ZFPM1: variants seen among roughly 807,000 people sequenced by gnomAD.
The protein encoded by ZFPM1 is zinc finger protein, FOG family member 1, also known as zinc finger protein ZFPM1.
In ZFPM1, 28 loss-of-function variants were observed where a neutral mutation model predicts 46.3. The ratio of observed to expected loss-of-function variants is 0.60; its 90% CI spans 0.45 to 0.83. ZFPM1 has a LOEUF of 0.83. Among genes scored for constraint, ZFPM1 ranks in the 40% least tolerant of loss-of-function variants. ZFPM1 has a pLI of 0.00. For synonymous variants in ZFPM1, 957 were observed against 675.9 expected, an observed-to-expected ratio of 1.42 and a Z score of -6.45; for missense variants, 1,878 against 1,432.4, an observed-to-expected ratio of 1.31 and a Z score of -5.02.
rs533185135 is a variant in ZFPM1, at chr16:88,455,103, C to T, written c.40+1425C>T. 1.3e-5 allele frequency among the ~76,000 whole-genome samples: 2 copies of T among 151,740 alleles called. 1 individual carries two copies. The highest frequency in any genetic ancestry group is 4.2e-4 in the South Asian group (2 of 4,778). On this transcript the variant is annotated intron_variant, in intron 1 of 9. Transcript: ENST00000319555. Reference sequence around the variant, plus strand: ...TTGTGCTCTGGTTTCTTTTTCCTTCCTTCCCTGAGCGCCTATGTTCGGTTC... The same window carrying T: ...TTGTGCTCTGGTTTCTTTTTCCTTCTTTCCCTGAGCGCCTATGTTCGGTTC...
chr16:88,466,913 G>A (rs1427703390), intron 1 of ZFPM1, among the ~76,000 whole-genome samples: 1 of 152,062 alleles, frequency 6.6e-6, no homozygotes, highest in Non-Finnish European at 1.5e-5. Flanking sequence ...GGCAGAAGTG[G>A]GTAAAGCATC....
intron 4 of ZFPM1, among the ~76,000 whole-genome samples, chr16:88,519,044 G>GGAGA (rs1911580290): frequency 9.4e-6 from 1 of 106,274 alleles, no homozygotes; most frequent in Non-Finnish European, 1.9e-5. Flanking sequence ...ATGGGTGGAT[G>GGAGA]GATAGATGGA....
At chr16:88,488,147 G>A (rs1267573564) in intron 2 of ZFPM1, among the ~76,000 whole-genome samples, 2 of 152,246 alleles carry the variant, frequency 1.3e-5, no homozygotes, top group African/African-American at 2.4e-5. Context: ...GCCAGCCTTA[G>A]TGCCGCACGC....
At chr16:88,488,297 G>C (rs1037612151) in intron 2 of ZFPM1, among the ~76,000 whole-genome samples, 2 of 152,156 alleles carry the variant, frequency 1.3e-5, no homozygotes, top group African/African-American at 4.8e-5. Flanking sequence ...CATGGGGGCG[G>C]GGGTGGGGCC....
At chr16:88,506,583 T>A (rs1910674046) in intron 3 of ZFPM1, among the ~76,000 whole-genome samples, 1 of 152,166 alleles carries the variant, frequency 6.6e-6, no homozygotes, top group African/African-American at 2.4e-5. Flanking sequence ...GGGGCACAGC[T>A]CTGAGGAGCA....
intron 1 of ZFPM1, among the ~76,000 whole-genome samples, chr16:88,467,455 C>T (rs1346729177): frequency 6.6e-6 from 1 of 152,224 alleles, no homozygotes; most frequent in Non-Finnish European, 1.5e-5. Context: ...AGGAGCTCAG[C>T]ACCCGCCCCA....
Position 88,479,859 on chromosome 16 carries a change from C to A in ZFPM1, c.41-6080C>A, listed in dbSNP as rs368735452. On this transcript the variant is annotated intron_variant, in intron 1 of 9. Transcript: ENST00000319555. ...CTCCCCTCCCCGTCCCTCCCTCCCC[C>A]CCGCTGCCACCCCCGCAGTACTTCC... Among the ~76,000 whole-genome samples, 18 of 140,156 alleles carry A rather than the reference C, an allele frequency of 1.3e-4. No individual in the cohort carries two copies. The East Asian group carries it at 2.6e-3, about 20-fold the overall frequency. The allele number at this position is 140,156 out of a possible 152,430, so 91.9% of individuals were successfully genotyped here. A position where few individuals can be genotyped will look rare whatever the true frequency, so the allele number is the denominator to read the frequency against.
At chr16:88,521,860 C>CCCTCCTCTCTGTTT (rs1911929704) in intron 4 of ZFPM1, among the ~76,000 whole-genome samples, 1 of 149,444 alleles carries the variant, frequency 6.7e-6, no homozygotes, top group African/African-American at 2.5e-5. Flanking sequence ...CCATGCTGTT[C>CCCTCCTCTCTGTTT]CCTCCTCTCT....
chr16:88,524,392 C>T (rs903285406), intron 4 of ZFPM1, among the ~76,000 whole-genome samples: 1 of 152,246 alleles, frequency 6.6e-6, no homozygotes, highest in Admixed American at 6.5e-5. Flanking sequence ...CCGGCAGAGC[C>T]CCACAGCTGG....
At chr16:88,482,785 C>T (rs1909008586) in intron 1 of ZFPM1, among the ~76,000 whole-genome samples, 1 of 152,210 alleles carries the variant, frequency 6.6e-6, no homozygotes, top group Non-Finnish European at 1.5e-5. Context: ...CTCCCAGCTC[C>T]ATGCCAGCCA....
chr16:88,523,238 C>T (rs886742754), intron 4 of ZFPM1, among the ~76,000 whole-genome samples: 2 of 151,988 alleles, frequency 1.3e-5, no homozygotes, highest in African/African-American at 4.8e-5. Flanking sequence ...CCCCTTCCCC[C>T]TTGCTCCCCA....
intron 6 of ZFPM1, chr16:88,530,806 AGG>A (rs1912728659): frequency 6.6e-6 from 1 of 152,318 alleles, no homozygotes; most frequent in Non-Finnish European, 1.5e-5. Flanking sequence ...CAGCTGAGAG[AGG>A]ACAGAGCTGC....
chr16:88,461,618 T>C (rs889874499), intron 1 of ZFPM1, among the ~76,000 whole-genome samples: 2 of 152,158 alleles, frequency 1.3e-5, no homozygotes, highest in Non-Finnish European at 2.9e-5. Context: ...TGAGGGACTT[T>C]GCTGCCTCTG....
intron 3 of ZFPM1, among the ~76,000 whole-genome samples, chr16:88,508,405 A>G (rs1910775556): frequency 6.6e-6 from 1 of 152,192 alleles, no homozygotes; most frequent in South Asian, 2.1e-4. Flanking sequence ...TCACATGTGA[A>G]GGAGGCCATG....
At chr16:88,470,477 G>C in intron 1 of ZFPM1, among the ~76,000 whole-genome samples, 1 of 152,342 alleles carries the variant, frequency 6.6e-6, no homozygotes, top group East Asian at 1.9e-4. Context: ...TTGGGGGACT[G>C]GTGGTGTGGA....
intron 6 of ZFPM1, 55 bp downstream of exon 6, chr16:88,528,293 C>A: frequency 6.6e-7 from 1 of 1,514,854 alleles, no homozygotes; most frequent in Non-Finnish European, 8.9e-7. Context: ...GAGGAGCAGG[C>A]AGGGCAGGAG....
chr16:88,463,184 G>A (rs62048963), intron 1 of ZFPM1, among the ~76,000 whole-genome samples: 124 of 152,350 alleles, frequency 8.1e-4, no homozygotes, highest in Non-Finnish European at 1.6e-3. Flanking sequence ...GCTCCTTCCC[G>A]AAGTGATGCA....
chr16:88,493,251 C>T, intron 3 of ZFPM1, among the ~76,000 whole-genome samples: 1 of 145,668 alleles, frequency 6.9e-6, no homozygotes, highest in East Asian at 2.1e-4. Flanking sequence ...GGAGAGCTGT[C>T]CTGGGGTGCG....
chr16:88,534,187 C>T lies in ZFPM1; in HGVS notation c.2229C>T (p.Arg743=). ...SPAAPVRTRR[R]RKLYELHAAG... is the part of the protein sequence containing the mutation. ...CCGCGCCTGTGCGCACGCGCAGACG[C>T]CGCAAGCTCTACGAGCTGCACGCGG... Residue 743 remains arginine, a synonymous_variant, in exon 10 of 10, where the codon CGC becomes CGT. Transcript: ENST00000319555. 1 of 989,508 alleles carries T rather than the reference C, an allele frequency of 1.0e-6. No individual in the cohort carries two copies. The highest frequency in any genetic ancestry group is 1.2e-6 in the Non-Finnish European group (1 of 834,856). 61.3% of individuals were successfully genotyped at this position (989,508 alleles called of 1,614,324 possible). A position where few individuals can be genotyped will look rare whatever the true frequency, so the allele number is the denominator to read the frequency against.
Sources: gnomAD v4.1 joint callset for allele counts (sites outside exome capture counted in the v4.1 genomes callset) on GRCh38, gnomAD v4.1.1 for gene constraint, MANE v1.5 for transcripts, NCBI Gene and HGNC (gene_info 2026-07-23, HGNC 2026-07-21) for gene names.